Variants in CABCOCO1 observed in about 807,000 individuals in gnomAD.
CABCOCO1 encodes the protein ciliary-associated calcium-binding coiled-coil protein 1.
A neutral mutation model predicts 35.7 loss-of-function variants in CABCOCO1; 28 were observed. The observed-to-expected ratio is 0.78, with a 90% CI of 0.58 to 1.07. The LOEUF is 1.07. Ranked by LOEUF, CABCOCO1 falls within the 50% of genes least tolerant of loss-of-function variation. CABCOCO1 has a pLI of 0.00. For synonymous variants in CABCOCO1, 95 were observed against 100.1 expected, an observed-to-expected ratio of 0.95 and a Z score of 0.30; for missense variants, 326 against 309.2, an observed-to-expected ratio of 1.05 and a Z score of -0.41.
chr10:61,675,071 A>C (rs1055882278), intron 2 of CABCOCO1, among the ~76,000 whole-genome samples: 30 of 152,278 alleles, frequency 2.0e-4, no homozygotes, highest in South Asian at 2.1e-4. Context: ...ATGCAAGAGT[A>C]ATGTAATATT....
chr10:61,687,259 G>A (rs907873902), intron 4 of CABCOCO1, among the ~76,000 whole-genome samples: 1 of 152,072 alleles, frequency 6.6e-6, no homozygotes. Context: ...CTCAATAAAA[G>A]CCAGAGTAGT....
chr10:61,701,734 C>T, intron 5 of CABCOCO1: 1 of 985,204 alleles, frequency 1.0e-6, no homozygotes. Flanking sequence ...TCAGGTTCAG[C>T]AACCCACATT....
intron 5 of CABCOCO1, among the ~76,000 whole-genome samples, chr10:61,740,594 T>C (rs1841528175): frequency 6.6e-6 from 1 of 152,228 alleles, no homozygotes; most frequent in Non-Finnish European, 1.5e-5. Flanking sequence ...ATATACCATT[T>C]TAACTGCAAT....
intron 1 of CABCOCO1, among the ~76,000 whole-genome samples, chr10:61,664,325 C>G (rs1839099412): frequency 6.6e-6 from 1 of 152,148 alleles, no homozygotes; most frequent in Non-Finnish European, 1.5e-5. Context: ...TCAGTGTACA[C>G]ATACATATGC....
chr10:61,717,789 G>C (rs1840902597), intron 5 of CABCOCO1, among the ~76,000 whole-genome samples: 7 of 152,198 alleles, frequency 4.6e-5, no homozygotes, highest in Admixed American at 4.6e-4. Context: ...GTTGGGAATT[G>C]AGGTGGGCCT....
intron 5 of CABCOCO1, among the ~76,000 whole-genome samples, chr10:61,719,983 G>A (rs1367747813): frequency 2.0e-5 from 3 of 151,238 alleles, no homozygotes; most frequent in Non-Finnish European, 4.4e-5. Context: ...TGAGGGAATG[G>A]ACATAGAAAC....
At position 61,760,163 on chromosome 10, in the gene CABCOCO1, A is replaced by C; in HGVS notation, c.657A>C (p.Ile219=). 1 of 1,611,464 alleles carries C rather than the reference A, an allele frequency of 6.2e-7. No individual in the cohort carries two copies. The highest frequency in any genetic ancestry group is 1.7e-5 in the Admixed American group (1 of 59,858). Residue 219 remains isoleucine (I), a synonymous_variant, in exon 6 of 8, where the codon ATA becomes ATC. Transcript: ENST00000648843. ...IYSTFIEPPT[I]LDTEMKRLDQ... is the part of the protein sequence containing the mutation. ...CAACATTCATAGAGCCCCCCACAAT[A>C]TTGGATACGGAAATGAAGGTATATT...
chr10:61,675,737 A>C (rs1170348721), intron 2 of CABCOCO1, among the ~76,000 whole-genome samples: 6 of 152,138 alleles, frequency 3.9e-5, no homozygotes, highest in Admixed American at 3.9e-4. Flanking sequence ...GACCAAAAAA[A>C]AAACATGGTA....
At chr10:61,694,708 T>G (rs1392928485) in intron 5 of CABCOCO1, among the ~76,000 whole-genome samples, 1 of 152,064 alleles carries the variant, frequency 6.6e-6, no homozygotes, top group Non-Finnish European at 1.5e-5. Context: ...AAATGCTTTC[T>G]ATCTATGGGC....
chr10:61,757,946 C>T (rs527359927), intron 5 of CABCOCO1, among the ~76,000 whole-genome samples: 9 of 152,018 alleles, frequency 5.9e-5, no homozygotes, highest in Non-Finnish European at 1.3e-4. Flanking sequence ...TTGAGAACTT[C>T]CACAGGGGGT....
At chr10:61,696,407 C>T (rs1249550786) in intron 5 of CABCOCO1, among the ~76,000 whole-genome samples, 1 of 152,000 alleles carries the variant, frequency 6.6e-6, no homozygotes, top group African/African-American at 2.4e-5. Context: ...TGGCCATATA[C>T]ATTTTTTAAG....
At chr10:61,693,585 A>G (rs1207269556) in intron 5 of CABCOCO1, among the ~76,000 whole-genome samples, 1 of 152,130 alleles carries the variant, frequency 6.6e-6, no homozygotes, top group African/African-American at 2.4e-5. Flanking sequence ...TTAATAAAAT[A>G]ATAGATCTAG....
At chr10:61,697,460 C>G (rs1242638401) in intron 5 of CABCOCO1, among the ~76,000 whole-genome samples, 36 of 151,606 alleles carry the variant, frequency 2.4e-4, no homozygotes. Flanking sequence ...AATAGTGTTC[C>G]CATTTATTTT....
At chr10:61,666,163 A>T (rs1488052060) in intron 1 of CABCOCO1, among the ~76,000 whole-genome samples, 1 of 152,190 alleles carries the variant, frequency 6.6e-6, no homozygotes, top group African/African-American at 2.4e-5. Context: ...GGAGCAGGCC[A>T]TAGACAACTC....
intron 5 of CABCOCO1, among the ~76,000 whole-genome samples, chr10:61,757,083 T>C (rs1298079230): frequency 6.6e-5 from 10 of 151,966 alleles, no homozygotes; most frequent in Non-Finnish European, 1.3e-4. Flanking sequence ...ACCAGTGATG[T>C]TGTAAAACAT....
chr10:61,689,598 A>G (rs1248597734), intron 4 of CABCOCO1, among the ~76,000 whole-genome samples: 2 of 152,182 alleles, frequency 1.3e-5, no homozygotes, highest in Admixed American at 6.6e-5. Context: ...AGCCATTATT[A>G]TACATGCTCT....
chr10:61,728,999 A>C (rs1841231567), intron 5 of CABCOCO1, among the ~76,000 whole-genome samples: 1 of 152,186 alleles, frequency 6.6e-6, no homozygotes, highest in South Asian at 2.1e-4. Flanking sequence ...ATATCAAAAA[A>C]GTGAGCTTTG....
chr10:61,700,217 A>C (rs1840413706), intron 5 of CABCOCO1, among the ~76,000 whole-genome samples: 2 of 152,094 alleles, frequency 1.3e-5, no homozygotes, highest in South Asian at 4.1e-4. Flanking sequence ...TGACTATATC[A>C]AAATTTAAAA....
chr10:61,683,625 G>T (rs1452132481), intron 3 of CABCOCO1, among the ~76,000 whole-genome samples: 2 of 152,032 alleles, frequency 1.3e-5, no homozygotes, highest in East Asian at 3.9e-4. Context: ...TCAGTTATGA[G>T]GTATCATCCT....
Sources: allele counts gnomAD v4.1 joint callset (sites outside exome capture counted in the v4.1 genomes callset), GRCh38; gene constraint gnomAD v4.1.1; transcripts MANE v1.5; gene names NCBI Gene and HGNC (gene_info 2026-07-23, HGNC 2026-07-21).